The following RAPGEF4 variants were observed in gnomAD, a reference collection of about 807,000 sequenced individuals.
The protein encoded by RAPGEF4 is RAP guanine-nucleotide-exchange factor (GEF) 4.
A neutral mutation model predicts 147.9 loss-of-function variants in RAPGEF4; 66 were observed. The observed-to-expected ratio is 0.45, with a 90% CI of 0.37 to 0.55. The LOEUF is 0.55. Ranked by LOEUF, RAPGEF4 falls within the 20% of genes least tolerant of loss-of-function variation. RAPGEF4 has a pLI of 0.00. For synonymous variants in RAPGEF4, 419 were observed against 442.7 expected (o/e 0.95, Z 0.67); for missense variants, 1,071 against 1,257.3 (o/e 0.85, Z 2.24).
At chr2:172,924,159 A>G (rs1231282269) in intron 6 of RAPGEF4, among the ~76,000 whole-genome samples, 1 of 152,194 alleles carries the variant, frequency 6.6e-6, no homozygotes, top group Non-Finnish European at 1.5e-5. Flanking sequence ...TCAACAGACT[A>G]TCAGTGATGT....
intron 6 of RAPGEF4, among the ~76,000 whole-genome samples, chr2:172,930,407 T>C (rs920437073): frequency 3.9e-5 from 6 of 152,214 alleles, no homozygotes; most frequent in South Asian, 4.1e-4. Context: ...CATGCCTTCT[T>C]TTTTAAAATA....
At chr2:172,797,430 G>T in intron 2 of RAPGEF4, 95 bp from the exon 3 acceptor site, 1 of 962,946 alleles carries the variant, frequency 1.0e-6, no homozygotes, top group Non-Finnish European at 1.6e-6. Context: ...GCTCAGTTAG[G>T]TCCAAGACAT....
chr2:173,012,015 T>C (rs757909989), intron 17 of RAPGEF4, among the ~76,000 whole-genome samples: 4 of 152,238 alleles, frequency 2.6e-5, no homozygotes, highest in Non-Finnish European at 4.4e-5. Flanking sequence ...ATGCTCATGT[T>C]GCATGTGTAG....
intron 4 of RAPGEF4, among the ~76,000 whole-genome samples, chr2:172,891,802 G>A (rs1237452776): frequency 6.6e-6 from 1 of 152,212 alleles, no homozygotes; most frequent in Non-Finnish European, 1.5e-5. Flanking sequence ...AAGCTTTCAA[G>A]TATAAATACA....
chr2:172,879,580 C>A (rs1007360153), intron 4 of RAPGEF4, among the ~76,000 whole-genome samples: 12 of 152,118 alleles, frequency 7.9e-5, no homozygotes, highest in African/African-American at 2.2e-4. Context: ...ACGAGCAGAT[C>A]ACTTGAGTCC....
intron 17 of RAPGEF4, among the ~76,000 whole-genome samples, chr2:173,005,520 GT>G (rs573596077): frequency 0.062 from 5,357 of 86,508 alleles, 60 homozygotes; most frequent in East Asian, 0.096. Flanking sequence ...GTTGTTTTGT[GT>G]TTTTTTTTTT....
At chr2:172,873,944 A>G (rs1695549893) in intron 4 of RAPGEF4, among the ~76,000 whole-genome samples, 1 of 152,244 alleles carries the variant, frequency 6.6e-6, no homozygotes, top group Non-Finnish European at 1.5e-5. Context: ...AACATATGAA[A>G]AAAAGCTCAT....
intron 22 of RAPGEF4, among the ~76,000 whole-genome samples, chr2:173,019,695 T>C (rs996988649): frequency 2.6e-5 from 4 of 152,208 alleles, no homozygotes; most frequent in African/African-American, 9.6e-5. Flanking sequence ...TCTGCTCCAG[T>C]TGCACAAGGC....
At chr2:173,028,850 A>G (rs2105964700) in intron 25 of RAPGEF4, among the ~76,000 whole-genome samples, 1 of 152,374 alleles carries the variant, frequency 6.6e-6, no homozygotes, top group South Asian at 2.1e-4. Flanking sequence ...TTGCCTGCCC[A>G]GAACTGTGTG....
chr2:172,798,579 G>T (rs1053701931), intron 3 of RAPGEF4, among the ~76,000 whole-genome samples: 1 of 145,000 alleles, frequency 6.9e-6, no homozygotes, highest in Admixed American at 6.9e-5. Context: ...AAAAATTAAA[G>T]AATTATTTAA....
intron 4 of RAPGEF4, among the ~76,000 whole-genome samples, chr2:172,874,311 C>T (rs1317583656): frequency 6.6e-6 from 1 of 152,062 alleles, no homozygotes; most frequent in African/African-American, 2.4e-5. Flanking sequence ...AGGTTTGTTA[C>T]ATATGTATAC....
rs1294918936 is a variant in RAPGEF4 at position 173,007,489 on chromosome 2, T to C, written c.1658+6145T>C. On this transcript the variant is annotated intron_variant, in intron 17 of 30. Transcript: ENST00000397081. ...TATGAAAAATTCCACAACAGTCCAT[T>C]GAAAATATTTTAAATGACTTCCAGA... Among the ~76,000 whole-genome samples the C allele has an allele frequency of 2.0e-5, 3 of 152,180 alleles. No individual in the cohort carries two copies. The East Asian group carries it at 5.8e-4, about 29-fold the overall frequency.
chr2:172,737,588 A>G (rs1693916214), intron 1 of RAPGEF4, among the ~76,000 whole-genome samples: 2 of 152,160 alleles, frequency 1.3e-5, no homozygotes, highest in Admixed American at 1.3e-4. Flanking sequence ...CACAAGTGGG[A>G]CATATTCGAC....
intron 4 of RAPGEF4, among the ~76,000 whole-genome samples, chr2:172,831,383 C>T (rs1048251995): frequency 2.7e-5 from 4 of 149,214 alleles, no homozygotes; most frequent in African/African-American, 9.8e-5. Flanking sequence ...ATTCTCCCGC[C>T]TCAGCCTCCT....
intron 6 of RAPGEF4, among the ~76,000 whole-genome samples, chr2:172,958,772 A>G (rs1283138057): frequency 2.6e-5 from 4 of 152,234 alleles, no homozygotes; most frequent in Non-Finnish European, 1.5e-5. Context: ...TAAATAAGTT[A>G]GTTCAGTGAG....
At chr2:172,810,219 T>C (rs1024762725) in intron 3 of RAPGEF4, among the ~76,000 whole-genome samples, 2 of 152,246 alleles carry the variant, frequency 1.3e-5, no homozygotes, top group Non-Finnish European at 2.9e-5. Context: ...CTGAATATCC[T>C]TGAGCCTGAT....
intron 4 of RAPGEF4, among the ~76,000 whole-genome samples, chr2:172,862,377 C>T (rs1694143983): frequency 6.6e-6 from 1 of 152,078 alleles, no homozygotes; most frequent in Admixed American, 6.6e-5. Flanking sequence ...CTAAATAGTA[C>T]AATTAGTGGC....
intron 9 of RAPGEF4, 121 bp downstream of exon 9, chr2:172,965,804 G>A (rs1689775729): frequency 2.4e-6 from 3 of 1,254,982 alleles, no homozygotes; most frequent in Non-Finnish European, 3.4e-6. Context: ...GGGACCTGCA[G>A]AGCTAGCATC....
At chr2:172,776,780 G>T (rs1165054790) in intron 1 of RAPGEF4, among the ~76,000 whole-genome samples, 1 of 151,450 alleles carries the variant, frequency 6.6e-6, no homozygotes, top group African/African-American at 2.4e-5. Flanking sequence ...ATTTCCATTT[G>T]CTTTTTAAAA....
Sources: gnomAD v4.1 joint callset for allele counts (sites outside exome capture counted in the v4.1 genomes callset) on GRCh38, gnomAD v4.1.1 for gene constraint, MANE v1.5 for transcripts, NCBI Gene and HGNC (gene_info 2026-07-23, HGNC 2026-07-21) for gene names.